Variants in HHIPL1 observed in about 807,000 individuals in gnomAD.
The protein encoded by HHIPL1 is HHIP like 1.
A neutral mutation model predicts 61.8 loss-of-function variants in HHIPL1; 43 were observed. The observed-to-expected ratio is 0.70, with a 90% CI of 0.55 to 0.90. The LOEUF (loss-of-function observed/expected upper bound fraction) is 0.90. Among genes scored for constraint, HHIPL1 ranks in the 40% least tolerant of loss-of-function variants. The pLI is 0.00. For missense variants in HHIPL1, 1,056 were observed against 1,157.7 expected, an observed-to-expected ratio of 0.91 and a Z score of 1.28; for synonymous variants, 482 against 515.8, an observed-to-expected ratio of 0.93 and a Z score of 0.89.
intron 3 of HHIPL1, 25 bp downstream of exon 3, chr14:99,657,168 G>A (rs187431814): frequency 6.2e-7 from 1 of 1,610,492 alleles, no homozygotes; most frequent in South Asian, 1.1e-5. Flanking sequence ...TGATTGGCTT[G>A]TGGGTTGGTC....
chr14:99,665,187 A>G (rs2209926), intron 6 of HHIPL1, among the ~76,000 whole-genome samples: 148,801 of 152,270 alleles, frequency 0.98, 72,806 homozygotes, highest in Middle Eastern at 1. Flanking sequence ...CTGAGATTAC[A>G]GGTGTGAGCT....
At chr14:99,662,788 T>C in intron 5 of HHIPL1, 88 bp from the exon 6 acceptor site, 1 of 1,078,162 alleles carries the variant, frequency 9.3e-7, no homozygotes. Flanking sequence ...AATGGATACA[T>C]GGATGGATGG....
chr14:99,637,674 C>T, the HHIPL1 span, among the ~76,000 whole-genome samples: 1 of 152,170 alleles, frequency 6.6e-6, no homozygotes, highest in Admixed American at 6.5e-5. Flanking sequence ...AACCTGCACA[C>T]AGTCGCCTTC....
rs1399200455 is a variant in HHIPL1, at chr14:99,677,097, T to C, written c.*1471T>C. 1 of 152,374 alleles carries C rather than the reference T, an allele frequency of 6.6e-6. No homozygotes were observed. The highest frequency in any genetic ancestry group is 1.5e-5 in the Non-Finnish European group (1 of 68,214). 9.4% of individuals were successfully genotyped at this position (152,374 alleles called of 1,614,324 possible). A position where few individuals can be genotyped will look rare whatever the true frequency, so the allele number is the denominator to read the frequency against. ...TCCTAGCTGCTAGTATAGGGTCTCC[T>C]AGCCACTAGTATAGGATCCTGGGCT... On this transcript the variant is annotated 3_prime_UTR_variant, in exon 9 of 9. Transcript: ENST00000330710. The surrounding 1 kb of genome is among the most constrained non-coding windows in gnomAD (Gnocchi z 4.3).
At chr14:99,672,756 T>C (rs1426450583) in intron 8 of HHIPL1, among the ~76,000 whole-genome samples, 2 of 152,136 alleles carry the variant, frequency 1.3e-5, no homozygotes, top group Admixed American at 1.3e-4. Context: ...GGCTGGGCCT[T>C]CATAGATTGT....
chr14:99,631,904 G>A, the HHIPL1 span, among the ~76,000 whole-genome samples: 12 of 152,192 alleles, frequency 7.9e-5, no homozygotes, highest in Non-Finnish European at 1.3e-4. Context: ...TTGGCTCTAA[G>A]CCCATGCCCC....
chr14:99,669,024 C>T lies in HHIPL1; in HGVS notation c.1730+721C>T. On this transcript the variant is annotated intron_variant, in intron 7 of 8. Coordinates refer to ENST00000330710, the MANE Select transcript of HHIPL1 (RefSeq NM_001127258.3). ...CCTGCCCTAACCCCTTGGCTGTGTG[C>T]CTTCACCTCACCCTCTTCAAGCACC... The T allele has an allele frequency of 2.2e-6, 3 of 1,385,630 alleles. No homozygotes were observed. In the South Asian group the frequency reaches 3.8e-5, roughly 18 times the overall value. The allele number at this position is 1,385,630 out of a possible 1,614,324, so 85.8% of individuals were successfully genotyped here.
chr14:99,647,164 G>A (rs949456719), intron 1 of HHIPL1, among the ~76,000 whole-genome samples: 5 of 152,086 alleles, frequency 3.3e-5, no homozygotes, highest in Admixed American at 6.5e-5. Flanking sequence ...GTGGGAAGCA[G>A]TAGACTCTGG....
Position 99,668,420 on chromosome 14 carries a change from A to C in HHIPL1, c.1730+117A>C. ...GTGGTATTAATCCCCATTTTCAGAC[A>C]AGAACCCTGAGGCCCAGAGAGGGAC... is the stretch of plus-strand genomic sequence containing the variant. On this transcript the variant is annotated intron_variant, in intron 7 of 8. Coordinates refer to ENST00000330710, the MANE Select transcript of HHIPL1 (RefSeq NM_001127258.3). This position sits in a 1 kb window ranked among gnomAD's most constrained non-coding sequence, Gnocchi z 4.7. 1 of 683,808 alleles carries C rather than the reference A, an allele frequency of 1.5e-6. No homozygotes were observed. The highest frequency in any genetic ancestry group is 2.6e-6 in the Non-Finnish European group (1 of 378,618). 42.4% of individuals were successfully genotyped at this position (683,808 alleles called of 1,614,324 possible).
rs1275525694 is a variant in HHIPL1 at position 99,660,445 on chromosome 14, A to C, written c.1502+39A>C. On this transcript the variant is annotated intron_variant, in intron 5 of 8. Transcript: ENST00000330710. This position sits in a 1 kb window ranked among gnomAD's most constrained non-coding sequence, Gnocchi z 4.9. ...TGCCCTCGCGCCCCTGGCTGCTGCCACTGGCTCCTTGGGACTGGCTCCTTG... is the reference window on the plus strand; with the variant it reads ...TGCCCTCGCGCCCCTGGCTGCTGCCCCTGGCTCCTTGGGACTGGCTCCTTG... 1.3e-6 allele frequency: 2 copies of C among 1,592,520 alleles called. No individual in the cohort carries two copies. The highest frequency in any genetic ancestry group is 1.3e-5 in the African/African-American group (1 of 74,552).
the HHIPL1 span, among the ~76,000 whole-genome samples, chr14:99,628,721 C>T: frequency 6.6e-6 from 1 of 152,104 alleles, no homozygotes; most frequent in Non-Finnish European, 1.5e-5. Context: ...AACCCCTGGA[C>T]CCCTCCCCTC....
At chr14:99,674,601 C>G (rs2056364770) in intron 8 of HHIPL1, among the ~76,000 whole-genome samples, 1 of 152,158 alleles carries the variant, frequency 6.6e-6, no homozygotes, top group African/African-American at 2.4e-5. Flanking sequence ...CACCACAGAC[C>G]CGCAGCAGTT....
At chr14:99,617,569 A>C in the HHIPL1 span, among the ~76,000 whole-genome samples, 11 of 152,200 alleles carry the variant, frequency 7.2e-5, no homozygotes, top group Non-Finnish European at 1.5e-5. Flanking sequence ...CCTTGCAAGC[A>C]TTTTAGTGTT....
chr14:99,660,376 G>A lies in HHIPL1; in HGVS notation c.1472G>A (p.Gly491Asp), dbSNP rs752112565. Residue 491 changes from glycine (G) to aspartate (D), a missense_variant, in exon 5 of 9, where the codon GGC (glycine) becomes GAC (aspartate). Physicochemically the swap from Gly to Asp is moderately conservative, Grantham distance 94. Transcript: ENST00000330710. This position sits in a 1 kb window ranked among gnomAD's most constrained non-coding sequence, Gnocchi z 4.9. ...YRGCEYPNLN[G>D]LYIFGDFMSG... ...GGCTGCGAGTACCCCAACCTGAACG[G>A]CCTCTACATTTTTGGGGATTTCATG... is the stretch of plus-strand genomic sequence containing the variant. 1.2e-6 allele frequency: 2 copies of A among 1,613,726 alleles called. No homozygotes were observed. Among genetic ancestry groups the A allele is most frequent in the Admixed American group, 1.7e-5 (1 of 59,980 alleles).
upstream of HHIPL1, among the ~76,000 whole-genome samples, chr14:99,643,409 T>C (rs970694458): frequency 6.6e-6 from 1 of 152,228 alleles, no homozygotes; most frequent in Non-Finnish European, 1.5e-5. Flanking sequence ...CAGGATGTAC[T>C]AGATAACAGA....
chr14:99,670,363 C>A (rs952047054), intron 7 of HHIPL1, among the ~76,000 whole-genome samples: 5 of 152,170 alleles, frequency 3.3e-5, no homozygotes, highest in African/African-American at 4.8e-5. Context: ...CGGCCCACCT[C>A]GGCCTCCCAA....
At chr14:99,631,835 A>G in the HHIPL1 span, among the ~76,000 whole-genome samples, 1 of 152,116 alleles carries the variant, frequency 6.6e-6, no homozygotes, top group Non-Finnish European at 1.5e-5. Flanking sequence ...GTCCAGAGAG[A>G]TCGCTCCTGC....
At chr14:99,638,681 A>G in the HHIPL1 span, among the ~76,000 whole-genome samples, 1 of 152,138 alleles carries the variant, frequency 6.6e-6, no homozygotes, top group African/African-American at 2.4e-5. Flanking sequence ...CTTAATGGGG[A>G]ATTTGAAGCA....
chr14:99,674,595 A>G (rs577029683), intron 8 of HHIPL1, among the ~76,000 whole-genome samples: 1 of 152,238 alleles, frequency 6.6e-6, no homozygotes, highest in African/African-American at 2.4e-5. Flanking sequence ...ACTGGCCACC[A>G]CAGACCCGCA....
Sources: gnomAD v4.1 joint callset for allele counts (sites outside exome capture counted in the v4.1 genomes callset) on GRCh38, gnomAD v4.1.1 for gene constraint, Gnocchi (gnomAD v3.1) non-coding constraint, MANE v1.5 for transcripts, NCBI Gene and HGNC (gene_info 2026-07-23, HGNC 2026-07-21) for gene names.